Variants in GRAMD1C observed in about 807,000 individuals in gnomAD.
GRAMD1C encodes the protein GRAM domain containing 1C.
In GRAMD1C, 89 loss-of-function variants were observed where a neutral mutation model predicts 97.8. That is an observed-to-expected ratio of 0.91 (90% CI 0.77 to 1.09). The LOEUF is 1.09. Among genes scored for constraint, GRAMD1C ranks in the 50% least tolerant of loss-of-function variants. GRAMD1C has a pLI of 0.00. For missense variants in GRAMD1C, 740 were observed against 766.4 expected, an observed-to-expected ratio of 0.97 and a Z score of 0.41; for synonymous variants, 256 against 267.0, an observed-to-expected ratio of 0.96 and a Z score of 0.40.
At chr3:113,874,686 C>G (rs1934959578) in intron 3 of GRAMD1C, among the ~76,000 whole-genome samples, 1 of 152,140 alleles carries the variant, frequency 6.6e-6, no homozygotes, top group African/African-American at 2.4e-5. Context: ...AAAATGTATA[C>G]AATTTTCTGA....
chr3:113,829,058 T>C lies in GRAMD1C; in HGVS notation n.98+779T>C, dbSNP rs1387310353. ...CCTGCTTGGACTCCAGGGGCAATCA[T>C]TATTGCCAAATCCTTGCATACATAC... is the stretch of plus-strand genomic sequence containing the variant. On this transcript the variant is annotated intron_variant and non_coding_transcript_variant, in intron 1 of 18. Coordinates refer to the GRAMD1C transcript ENST00000479212. Among the ~76,000 whole-genome samples the C allele has an allele frequency of 2.0e-5, 3 of 152,166 alleles. No homozygotes were observed. The East Asian group carries it at 5.8e-4, about 29-fold the overall frequency.
intron 3 of GRAMD1C, among the ~76,000 whole-genome samples, chr3:113,869,983 A>C (rs1225629832): frequency 6.6e-6 from 1 of 152,146 alleles, no homozygotes; most frequent in Non-Finnish European, 1.5e-5. Flanking sequence ...ATTATGTTAA[A>C]TGAAATAAGC....
chr3:113,942,960 G>GTCA (rs1337887558), intron 17 of GRAMD1C, among the ~76,000 whole-genome samples: 30 of 152,300 alleles, frequency 2.0e-4, no homozygotes, highest in Non-Finnish European at 4.0e-4. Flanking sequence ...GGCCTGCTGA[G>GTCA]TCATCCATCT....
At chr3:113,845,861 A>G (rs1933588526) in intron 2 of GRAMD1C, among the ~76,000 whole-genome samples, 1 of 152,234 alleles carries the variant, frequency 6.6e-6, no homozygotes, top group South Asian at 2.1e-4. Flanking sequence ...CATAATTAGC[A>G]GTTCAGTTCA....
At chr3:113,873,361 T>C (rs1291906942) in intron 3 of GRAMD1C, among the ~76,000 whole-genome samples, 3 of 152,158 alleles carry the variant, frequency 2.0e-5, no homozygotes, top group Non-Finnish European at 2.9e-5. Context: ...TACTATGCCT[T>C]TGAACATAGT....
chr3:113,869,249 C>G (rs539056471), intron 2 of GRAMD1C, among the ~76,000 whole-genome samples: 1 of 152,144 alleles, frequency 6.6e-6, no homozygotes, highest in African/African-American at 2.4e-5. Flanking sequence ...TGGTCATTTT[C>G]CATCGTTTGA....
At position 113,915,429 on chromosome 3, in the gene GRAMD1C, T is replaced by C. The variant is rs951361410; in HGVS notation, c.953-272T>C. Among the ~76,000 whole-genome samples, 10 of 152,214 alleles carry C rather than the reference T, an allele frequency of 6.6e-5. 1 individual carries two copies. The highest frequency in any genetic ancestry group is 2.4e-4 in the African/African-American group (10 of 41,468). ...TGATACCATTCAAGTGAAATATTTC[T>C]GTATCTTTTGGGTTTTGACAGTTGA... On this transcript the variant is annotated intron_variant, in intron 9 of 17. Transcript: ENST00000358160.
intron 12 of GRAMD1C, among the ~76,000 whole-genome samples, chr3:113,933,992 G>A (rs565659378): frequency 8.1e-4 from 123 of 152,276 alleles, no homozygotes; most frequent in African/African-American, 2.1e-3. Context: ...CTCAGTGAGC[G>A]GTAATTGGCT....
chr3:113,851,797 C>T (rs1432448866), intron 2 of GRAMD1C, among the ~76,000 whole-genome samples: 1 of 152,070 alleles, frequency 6.6e-6, no homozygotes, highest in African/African-American at 2.4e-5. Flanking sequence ...GGATTGCAGG[C>T]CTGAACCACT....
rs575201599 is a variant in GRAMD1C, at chr3:113,850,039, C to T, written c.174+5390C>T. ...CGGGGGGCTGACCCCCCACCTCCCT[C>T]CCGGACGGGGCGGCTGGCCGGACGG... On this transcript the variant is annotated intron_variant, in intron 2 of 17. Coordinates refer to ENST00000358160, the MANE Select transcript of GRAMD1C (RefSeq NM_017577.5). 5.9e-5 allele frequency among the ~76,000 whole-genome samples: 9 copies of T among 151,838 alleles called. No individual in the cohort carries two copies. In the East Asian group the frequency reaches 1.8e-3, roughly 30 times the overall value.
rs1421948199 is a variant in GRAMD1C at position 113,933,512 on chromosome 3, C to T, written c.1211C>T (p.Thr404Ile). The T allele has an allele frequency of 1.2e-6, 2 of 1,606,916 alleles. No individual in the cohort carries two copies. The highest frequency in any genetic ancestry group is 4.5e-5 in the East Asian group (2 of 44,838). Residue 404 changes from threonine to isoleucine, a missense_variant and splice_region_variant, in exon 12 of 18, where the codon ACA (threonine) becomes ATA (isoleucine). Transcript: ENST00000358160. ...GKCTAATEKQ[T>I]LYKESREARF... is the part of the protein sequence containing the mutation. Reference sequence around the variant, plus strand: ...ACATTTTTTATCTTACTTTGGCAGACACTGTATAAAGAAAGTCGGGAAGCA... The same window carrying T: ...ACATTTTTTATCTTACTTTGGCAGATACTGTATAAAGAAAGTCGGGAAGCA...
chr3:113,828,993 T>C (rs1329983531), intron 1 of GRAMD1C, among the ~76,000 whole-genome samples: 1 of 152,224 alleles, frequency 6.6e-6, no homozygotes, highest in Non-Finnish European at 1.5e-5. Context: ...CACACTTTCA[T>C]TGGCCTTGAC....
At chr3:113,915,114 G>A (rs942532965) in intron 9 of GRAMD1C, among the ~76,000 whole-genome samples, 5 of 152,120 alleles carry the variant, frequency 3.3e-5, no homozygotes, top group Non-Finnish European at 7.4e-5. Flanking sequence ...TGTTAGCTTT[G>A]ATGAATACTT....
chr3:113,858,373 C>T (rs1934232347), intron 2 of GRAMD1C, among the ~76,000 whole-genome samples: 1 of 141,714 alleles, frequency 7.1e-6, no homozygotes. Context: ...GCTGGGATTA[C>T]AGGCATGTAA....
At chr3:113,850,024 A>AC (rs1477500009) in intron 2 of GRAMD1C, among the ~76,000 whole-genome samples, 58 of 113,526 alleles carry the variant, frequency 5.1e-4, no homozygotes, top group African/African-American at 2.1e-3. Context: ...CGGGGGGCTG[A>AC]CCCCCCACCT....
In GRAMD1C at chr3:113,915,557, C is replaced by G. The variant is rs1037229345; in HGVS notation, c.953-144C>G. 8 of 605,802 alleles carry G rather than the reference C, an allele frequency of 1.3e-5. No homozygotes were observed. In the African/African-American group the frequency reaches 1.5e-4, roughly 11 times the overall value. 37.5% of individuals were successfully genotyped at this position (605,802 alleles called of 1,614,324 possible). ...TCCTATTTGGAGTTTTAATAGTGTC[C>G]TAGAATGTTCTCCTCATTGTAATCA... On this transcript the variant is annotated intron_variant, in intron 9 of 17. Transcript: ENST00000358160.
chr3:113,845,776 T>C (rs970488950), intron 2 of GRAMD1C, among the ~76,000 whole-genome samples: 22 of 152,328 alleles, frequency 1.4e-4, no homozygotes, highest in Admixed American at 7.9e-4. Context: ...GCAGATTTTC[T>C]TGTAATTTTA....
intron 2 of GRAMD1C, among the ~76,000 whole-genome samples, chr3:113,858,524 A>G (rs1459270750): frequency 2.7e-5 from 4 of 150,926 alleles, no homozygotes; most frequent in Admixed American, 1.3e-4. Context: ...CCTCCTGAGT[A>G]GCTGAGACTA....
chr3:113,917,781 C>T (rs1202263324), intron 10 of GRAMD1C, among the ~76,000 whole-genome samples: 2 of 151,470 alleles, frequency 1.3e-5, no homozygotes, highest in African/African-American at 4.9e-5. Flanking sequence ...CAACCTCCGC[C>T]TCCTGGGCTC....
Sources: allele counts gnomAD v4.1 joint callset (sites outside exome capture counted in the v4.1 genomes callset), GRCh38; gene constraint gnomAD v4.1.1; transcripts MANE v1.5; gene names NCBI Gene and HGNC (gene_info 2026-07-23, HGNC 2026-07-21).